The following C5AR2 variants were observed in gnomAD, a reference collection of about 807,000 sequenced individuals.
The protein encoded by C5AR2 is C5a anaphylatoxin chemotactic receptor 2.
For synonymous variants in C5AR2, 224 were observed against 216.5 expected (o/e 1.03, Z -0.30); for missense variants, 458 against 467.5 (o/e 0.98, Z 0.19).
chr19:47,335,071 C>A (rs1349678357), intron 1 of C5AR2, among the ~76,000 whole-genome samples: 1 of 140,120 alleles, frequency 7.1e-6, no homozygotes, highest in Admixed American at 7.2e-5. Context: ...TTTTTTAAAT[C>A]TTTAGCAGAG....
Position 47,341,450 on chromosome 19 carries a change from C to T in C5AR2, c.651C>T (p.Ala217=). 1 of 1,611,754 alleles carries T rather than the reference C, an allele frequency of 6.2e-7. No individual in the cohort carries two copies. The highest frequency in any genetic ancestry group is 1.1e-5 in the South Asian group (1 of 91,078). ...TCCTGGGGCCCCTGGTGGCCGTGGC[C>T]AGCTGCCACAGTGCCCTCCTGTGCT... is the stretch of plus-strand genomic sequence containing the variant. The part of the protein sequence containing the change: ...FGFLGPLVAV[A]SCHSALLCWA... Residue 217 remains alanine (A), a synonymous_variant, in exon 2 of 2, where the codon GCC becomes GCT. Coordinates refer to ENST00000595464, the MANE Select transcript of C5AR2 (RefSeq NM_001271749.2). The surrounding 1 kb of genome is among the most constrained non-coding windows in gnomAD (Gnocchi z 4.6).
At position 47,341,219 on chromosome 19, in the gene C5AR2, C is replaced by T. The variant is rs894605262; in HGVS notation, c.420C>T (p.Ala140=). ...ADLCFLALGP[A]WWSTVQRACG... ...TCTGCTTCCTGGCTCTCGGGCCTGC[C>T]TGGTGGTCTACGGTTCAGCGGGCGT... The change falls in exon 2 of 2, where the codon GCC becomes GCT. Residue 140 remains alanine, a synonymous_variant. Transcript: ENST00000595464. This position sits in a 1 kb window ranked among gnomAD's most constrained non-coding sequence, Gnocchi z 4.6. 1 of 1,601,682 alleles carries T rather than the reference C, an allele frequency of 6.2e-7. No homozygotes were observed. The highest frequency in any genetic ancestry group is 1.3e-5 in the African/African-American group (1 of 75,060).
rs759214128 is a variant in C5AR2 at position 47,340,913 on chromosome 19, G to A, written c.114G>A (p.Pro38=). 167 of 1,612,534 alleles carry A rather than the reference G, an allele frequency of 1.0e-4. No individual in the cohort carries two copies. Among genetic ancestry groups the A allele is most frequent in the Non-Finnish European group, 1.4e-4 (161 of 1,179,948 alleles). ...CLAIDPLRVA[P]LPLYAAIFLV... The stretch of plus-strand genomic sequence containing the variant: ...CCATCGACCCGCTGCGCGTGGCCCC[G>A]CTCCCACTGTATGCCGCCATCTTCC... Residue 38 remains proline (P), a synonymous_variant, in exon 2 of 2, where the codon CCG becomes CCA. Transcript: ENST00000595464.
At position 47,341,863 on chromosome 19, in the gene C5AR2, T is replaced by C. The variant is rs1969045383; in HGVS notation, c.*50T>C. On this transcript the variant is annotated 3_prime_UTR_variant, in exon 2 of 2. Transcript: ENST00000595464. The surrounding 1 kb of genome is among the most constrained non-coding windows in gnomAD (Gnocchi z 4.6). ...ATCTTCTTATCTCATTTCACAAGACTGGCTTCAGGCATAGCTGGATCCAGG... is the reference window on the plus strand; with the variant it reads ...ATCTTCTTATCTCATTTCACAAGACCGGCTTCAGGCATAGCTGGATCCAGG... The C allele has an allele frequency of 1.3e-6, 2 of 1,544,100 alleles. No homozygotes were observed. Among genetic ancestry groups the C allele is most frequent in the East Asian group, 2.3e-5 (1 of 44,326 alleles).
intron 1 of C5AR2, among the ~76,000 whole-genome samples, chr19:47,339,014 T>TGTA (rs2059371267): frequency 1.3e-5 from 2 of 151,202 alleles, no homozygotes; most frequent in South Asian, 4.2e-4. Flanking sequence ...ATTAGCCAGG[T>TGTA]GTGGTGGCAT....
intron 1 of C5AR2, among the ~76,000 whole-genome samples, chr19:47,339,844 A>G (rs1010368878): frequency 3.9e-5 from 6 of 152,064 alleles, no homozygotes; most frequent in African/African-American, 1.4e-4. Flanking sequence ...GCCTTCCCTG[A>G]CCATGCCTGT....
In C5AR2 at chr19:47,340,099, C is replaced by A. The variant is rs2059376468; in HGVS notation, c.-15-686C>A. ...CCTTTTCGGCAGCTAGGATCACAGG[C>A]ACGCATGACCATGCCTGGCTATGTT... On this transcript the variant is annotated intron_variant, in intron 1 of 1. Transcript: ENST00000595464. Among the ~76,000 whole-genome samples the A allele has an allele frequency of 2.0e-5, 3 of 151,752 alleles. No homozygotes were observed. The South Asian group carries it at 6.2e-4, about 32-fold the overall frequency.
At position 47,341,270 on chromosome 19, in the gene C5AR2, AGCCTGGACACTGGCCTTGCT is replaced by A; in HGVS notation, c.474_493del (p.Trp159HisfsTer108). 1 of 1,605,126 alleles carries A rather than the reference AGCCTGGACACTGGCCTTGCT, an allele frequency of 6.2e-7. No individual in the cohort carries two copies. Among genetic ancestry groups the A allele is most frequent in the African/African-American group, 1.3e-5 (1 of 75,010 alleles). On this transcript the variant is annotated frameshift_variant, in exon 2 of 2. Coordinates refer to ENST00000595464, the MANE Select transcript of C5AR2 (RefSeq NM_001271749.2). LOFTEE classifies it low-confidence loss of function (END_TRUNC). The surrounding 1 kb of genome is among the most constrained non-coding windows in gnomAD (Gnocchi z 4.6). The stretch of plus-strand genomic sequence containing the variant: ...GCGGGGTGCAGGTGGCCTGTGGGGC[AGCCTGGACACTGGCCTTGCT>A]GCTCACCGTGCCCTCCGCCATCTAC...
chr19:47,341,929 C>A lies in C5AR2; in HGVS notation c.*116C>A. ...TCATTTTATTCCTTCCTTCATTCAA[C>A]AGATATCCATCATGCACTTGCTATG... is the stretch of plus-strand genomic sequence containing the variant. On this transcript the variant is annotated 3_prime_UTR_variant, in exon 2 of 2. Coordinates refer to ENST00000595464, the MANE Select transcript of C5AR2 (RefSeq NM_001271749.2). The surrounding 1 kb of genome is among the most constrained non-coding windows in gnomAD (Gnocchi z 4.6). The A allele has an allele frequency of 9.8e-7, 1 of 1,024,576 alleles. No individual in the cohort carries two copies. The highest frequency in any genetic ancestry group is 1.4e-6 in the Non-Finnish European group (1 of 693,266). 63.5% of individuals were successfully genotyped at this position (1,024,576 alleles called of 1,614,324 possible).
In C5AR2 at chr19:47,346,214, A is replaced by G. The variant is rs1330492684; in HGVS notation, c.*4401A>G. 2 of 152,058 alleles carry G rather than the reference A, an allele frequency of 1.3e-5. No individual in the cohort carries two copies. Among genetic ancestry groups the G allele is most frequent in the Non-Finnish European group, 2.9e-5 (2 of 68,026 alleles). 9.4% of individuals were successfully genotyped at this position (152,058 alleles called of 1,614,324 possible). On this transcript the variant is annotated 3_prime_UTR_variant, in exon 2 of 2. Coordinates refer to ENST00000595464, the MANE Select transcript of C5AR2 (RefSeq NM_001271749.2). ...CGAAGCAACTTTCTATGACACGCCTACCAGTGTGCCATGTCAGTTTGCCAT... is the reference window on the plus strand; with the variant it reads ...CGAAGCAACTTTCTATGACACGCCTGCCAGTGTGCCATGTCAGTTTGCCAT...
chr19:47,339,084 G>A (rs1249115815), intron 1 of C5AR2, among the ~76,000 whole-genome samples: 2 of 151,584 alleles, frequency 1.3e-5, no homozygotes, highest in Non-Finnish European at 2.9e-5. Context: ...AACCCAGGAG[G>A]CGGAGGTTGC....
At chr19:47,336,712 T>C (rs1208627872) in intron 1 of C5AR2, among the ~76,000 whole-genome samples, 2 of 151,738 alleles carry the variant, frequency 1.3e-5, no homozygotes, top group African/African-American at 2.4e-5. Context: ...TCTCACTGTG[T>C]TGCCTAGGCT....
intron 1 of C5AR2, among the ~76,000 whole-genome samples, chr19:47,340,110 A>G (rs999843335): frequency 5.3e-5 from 8 of 151,698 alleles, no homozygotes; most frequent in Non-Finnish European, 5.9e-5. Flanking sequence ...ACGCATGACC[A>G]TGCCTGGCTA....
At chr19:47,336,079 G>T (rs2059356504) in intron 1 of C5AR2, among the ~76,000 whole-genome samples, 1 of 151,884 alleles carries the variant, frequency 6.6e-6, no homozygotes, top group Non-Finnish European at 1.5e-5. Context: ...GAGGGTTTTT[G>T]TTGTTGTTGT....
chr19:47,340,878 G>A lies in C5AR2; in HGVS notation c.79G>A (p.Ala27Thr), dbSNP rs780442034. 3.5e-5 allele frequency: 56 copies of A among 1,613,248 alleles called. 1 individual carries two copies. The Admixed American group carries it at 5.2e-4, about 15-fold the overall frequency. Residue 27 changes from alanine (A) to threonine (T), a missense_variant, in exon 2 of 2, where the codon GCC (alanine) becomes ACC (threonine). Ala to Thr is a moderately conservative substitution (Grantham distance 58). Coordinates refer to ENST00000595464, the MANE Select transcript of C5AR2 (RefSeq NM_001271749.2). ...CCGCCCTGTGGACTGCCTGGATGGC[G>A]CCTGCCTGGCCATCGACCCGCTGCG... Reference protein sequence around the residue: ...SDRPVDCLDGACLAIDPLRVA... With the variant: ...SDRPVDCLDGTCLAIDPLRVA...
chr19:47,341,466 C>T lies in C5AR2; in HGVS notation c.667C>T (p.Leu223Phe), dbSNP rs1182310076. 3 of 1,612,050 alleles carry T rather than the reference C, an allele frequency of 1.9e-6. No individual in the cohort carries two copies. The highest frequency in any genetic ancestry group is 3.3e-5 in the Admixed American group (2 of 60,008). ...LVAVASCHSALLCWAARRCRP... is the reference protein window; with the variant it reads ...LVAVASCHSAFLCWAARRCRP... ...GGCCGTGGCCAGCTGCCACAGTGCC[C>T]TCCTGTGCTGGGCAGCCCGACGCTG... The change falls in exon 2 of 2, where the codon CTC (leucine) becomes TTC (phenylalanine). Residue 223 changes from leucine (L) to phenylalanine (F), a missense_variant. Transcript: ENST00000595464. The surrounding 1 kb of genome is among the most constrained non-coding windows in gnomAD (Gnocchi z 4.6).
chr19:47,336,189 C>T (rs1362538061), intron 1 of C5AR2, among the ~76,000 whole-genome samples: 1 of 150,520 alleles, frequency 6.6e-6, no homozygotes, highest in African/African-American at 2.4e-5. Flanking sequence ...TCCCGGGTTC[C>T]AGCGATTCTC....
intron 1 of C5AR2, among the ~76,000 whole-genome samples, chr19:47,338,233 C>T (rs1450204354): frequency 1.3e-5 from 2 of 150,708 alleles, no homozygotes; most frequent in African/African-American, 2.4e-5. Flanking sequence ...CGTGATTGCA[C>T]CACTGCACTC....
At position 47,344,817 on chromosome 19, in the gene C5AR2, A is replaced by G. The variant is rs1297711667; in HGVS notation, c.*3004A>G. Reference sequence around the variant, plus strand: ...GAGATGAAGTCTTGCTCTGTCACCCAGGCTGGATTGTAGTGGCACGATCTC... The same window carrying G: ...GAGATGAAGTCTTGCTCTGTCACCCGGGCTGGATTGTAGTGGCACGATCTC... On this transcript the variant is annotated 3_prime_UTR_variant, in exon 2 of 2. Transcript: ENST00000595464. 6.6e-6 allele frequency: 1 copy of G among 152,128 alleles called. No homozygotes were observed. Among genetic ancestry groups the G allele is most frequent in the Non-Finnish European group, 1.5e-5 (1 of 68,032 alleles). 9.4% of individuals were successfully genotyped at this position (152,128 alleles called of 1,614,324 possible).
Sources: gnomAD v4.1 joint callset for allele counts (sites outside exome capture counted in the v4.1 genomes callset) on GRCh38, gnomAD v4.1.1 for gene constraint, Gnocchi (gnomAD v3.1) non-coding constraint, MANE v1.5 for transcripts, NCBI Gene and HGNC (gene_info 2026-07-23, HGNC 2026-07-21) for gene names.